BRINP3: variants seen among roughly 807,000 people sequenced by gnomAD.
BRINP3 encodes the protein BMP/retinoic acid-inducible neural-specific protein 3.
Under a neutral mutation model 71.0 loss-of-function variants are expected in BRINP3, and 19 were observed. That is an observed-to-expected ratio of 0.27 (90% CI 0.19 to 0.39). The LOEUF is 0.39. Among genes scored for constraint, BRINP3 ranks in the 10% least tolerant of loss-of-function variants. BRINP3 has a pLI of 1.00. For synonymous variants in BRINP3, 380 were observed against 337.7 expected (o/e 1.13, Z -1.37); for missense variants, 959 against 940.8 (o/e 1.02, Z -0.25).
chr1:190,384,862 AG>A (rs2102270812), intron 2 of BRINP3, among the ~76,000 whole-genome samples: 1 of 152,158 alleles, frequency 6.6e-6, no homozygotes, highest in East Asian at 1.9e-4. Flanking sequence ...AAACAAAATT[AG>A]ATGATAGAAT....
chr1:190,270,813 A>C (rs557825449), intron 3 of BRINP3, among the ~76,000 whole-genome samples: 1 of 151,850 alleles, frequency 6.6e-6, no homozygotes, highest in East Asian at 1.9e-4. Context: ...GGCTATTCCC[A>C]GATGATTACA....
At chr1:190,441,491 A>G (rs1484078846) in intron 2 of BRINP3, among the ~76,000 whole-genome samples, 1 of 152,104 alleles carries the variant, frequency 6.6e-6, no homozygotes, top group Non-Finnish European at 1.5e-5. Flanking sequence ...ACCTGTACAA[A>G]AAGTTGAAAT....
intron 2 of BRINP3, among the ~76,000 whole-genome samples, chr1:190,382,296 T>C (rs998787990): frequency 6.6e-6 from 1 of 152,148 alleles, no homozygotes; most frequent in African/African-American, 2.4e-5. Context: ...CACATCCTTC[T>C]TTGTCACACA....
intron 7 of BRINP3, among the ~76,000 whole-genome samples, chr1:190,117,238 G>A (rs557143011): frequency 6.6e-6 from 1 of 152,052 alleles, no homozygotes; most frequent in African/African-American, 2.4e-5. Flanking sequence ...TCTATAAGAA[G>A]CTTGTGTCAG....
intron 2 of BRINP3, among the ~76,000 whole-genome samples, chr1:190,441,642 T>A (rs758571357): frequency 5.3e-5 from 8 of 152,108 alleles, no homozygotes; most frequent in Non-Finnish European, 8.8e-5. Context: ...TAAACCAGTA[T>A]GTTTGAGTAT....
At chr1:190,474,276 A>C (rs553321676) in intron 1 of BRINP3, 1 of 152,698 alleles carries the variant, frequency 6.5e-6, no homozygotes, top group South Asian at 2.1e-4. Flanking sequence ...GTGAATGTGA[A>C]TATTAAGAAG....
chr1:190,347,344 G>A (rs1668088721), intron 2 of BRINP3, among the ~76,000 whole-genome samples: 1 of 152,046 alleles, frequency 6.6e-6, no homozygotes, highest in Non-Finnish European at 1.5e-5. Flanking sequence ...GTTTCACCAT[G>A]TTGGCCAGGA....
rs111909651 is a variant in BRINP3 at position 190,340,735 on chromosome 1, C to G, written c.237-58985G>C. 5.1e-3 allele frequency among the ~76,000 whole-genome samples: 774 copies of G among 150,686 alleles called. 7 individuals carry two copies. Among genetic ancestry groups the G allele is most frequent in the African/African-American group, 0.018 (726 of 41,264 alleles). ...ATGAGAAAACAAAATCTCATAGGCC[C>G]TGTCAAAAAAAAAAATCTGTGTAAT... On this transcript the variant is annotated intron_variant, in intron 2 of 7. Transcript: ENST00000367462.
At chr1:190,172,847 A>T (rs974283023) in intron 6 of BRINP3, among the ~76,000 whole-genome samples, 1 of 152,136 alleles carries the variant, frequency 6.6e-6, no homozygotes, top group Non-Finnish European at 1.5e-5. Context: ...CTTCCATAGA[A>T]ATGGCAGCAT....
At chr1:190,274,655 G>T (rs992200525) in intron 3 of BRINP3, among the ~76,000 whole-genome samples, 3 of 151,518 alleles carry the variant, frequency 2.0e-5, no homozygotes, top group African/African-American at 7.3e-5. Flanking sequence ...AATATTTTTT[G>T]TTATTGCTGC....
chr1:190,236,469 T>C (rs979568379), intron 4 of BRINP3, among the ~76,000 whole-genome samples: 3 of 152,000 alleles, frequency 2.0e-5, no homozygotes, highest in Non-Finnish European at 2.9e-5. Context: ...CTCAAATGCA[T>C]TGAGTGTGTG....
At chr1:190,440,255 A>T (rs1334966835) in intron 2 of BRINP3, among the ~76,000 whole-genome samples, 1 of 151,956 alleles carries the variant, frequency 6.6e-6, no homozygotes. Context: ...TCTTTTTACA[A>T]GCAAATAGGA....
rs968510584 is a variant in BRINP3, at chr1:190,389,461, C to T, written c.236+65194G>A. On this transcript the variant is annotated intron_variant, in intron 2 of 7. Coordinates refer to ENST00000367462, the MANE Select transcript of BRINP3 (RefSeq NM_199051.3). ...AAAACAAAATCATTGTATTCCCTTA[C>T]AAATAATTGGTTTAGGAACTAAAAT... Among the ~76,000 whole-genome samples the T allele has an allele frequency of 1.5e-4, 23 of 151,918 alleles. No individual in the cohort carries two copies. In the Middle Eastern group the frequency reaches 0.01, roughly 67 times the overall value.
intron 1 of BRINP3, among the ~76,000 whole-genome samples, chr1:190,459,782 G>A (rs1676260863): frequency 6.6e-6 from 1 of 151,996 alleles, no homozygotes; most frequent in African/African-American, 2.4e-5. Context: ...AGTCATTTCA[G>A]AAAACCATTG....
At chr1:190,289,973 G>A (rs1432776034) in intron 2 of BRINP3, among the ~76,000 whole-genome samples, 1 of 151,890 alleles carries the variant, frequency 6.6e-6, no homozygotes, top group Non-Finnish European at 1.5e-5. Flanking sequence ...ATGACCCATA[G>A]TAGTCACTCA....
chr1:190,358,753 G>A (rs1245071192), intron 2 of BRINP3, among the ~76,000 whole-genome samples: 3 of 152,038 alleles, frequency 2.0e-5, no homozygotes, highest in African/African-American at 7.2e-5. Context: ...AAAGACTTCG[G>A]ACCAACCCAA....
At chr1:190,159,654 G>T (rs1317615653) in intron 7 of BRINP3, among the ~76,000 whole-genome samples, 3 of 152,026 alleles carry the variant, frequency 2.0e-5, no homozygotes, top group Non-Finnish European at 2.9e-5. Context: ...TAGTAGATTA[G>T]ACAAATTTAT....
chr1:190,396,742 A>ATATATATATC, intron 2 of BRINP3, among the ~76,000 whole-genome samples: 1 of 141,092 alleles, frequency 7.1e-6, no homozygotes, highest in African/African-American at 2.6e-5. Context: ...ATATATATGT[A>ATATATATATC]ACTAACAGAT....
At chr1:190,358,929 C>A (rs551387076) in intron 2 of BRINP3, among the ~76,000 whole-genome samples, 71 of 152,000 alleles carry the variant, frequency 4.7e-4, no homozygotes, top group Non-Finnish European at 1.0e-3. Context: ...CCAAACATTG[C>A]ATGTTCTCAT....
Sources: gnomAD v4.1 joint callset for allele counts (sites outside exome capture counted in the v4.1 genomes callset) on GRCh38, gnomAD v4.1.1 for gene constraint, MANE v1.5 for transcripts, NCBI Gene and HGNC (gene_info 2026-07-23, HGNC 2026-07-21) for gene names.